Variants in CREB5 observed in about 807,000 individuals in gnomAD.
The protein encoded by CREB5 is cAMP responsive element binding protein 5.
In CREB5, 19 loss-of-function variants were observed where a neutral mutation model predicts 57.1. That is an observed-to-expected ratio of 0.33 (90% CI 0.23 to 0.49). The LOEUF is 0.49. CREB5 is among the 20% of genes least tolerant of loss of function. The pLI, the probability that CREB5 is intolerant of heterozygous loss-of-function variation, is 0.99. For missense variants in CREB5, 579 were observed against 671.6 expected, an observed-to-expected ratio of 0.86 and a Z score of 1.52; for synonymous variants, 238 against 238.3, an observed-to-expected ratio of 1.00 and a Z score of 0.01.
chr7:28,504,691 T>C (rs1792407904), intron 3 of CREB5, among the ~76,000 whole-genome samples: 1 of 152,154 alleles, frequency 6.6e-6, no homozygotes, highest in Non-Finnish European at 1.5e-5. Flanking sequence ...CACCCGTGTG[T>C]TACCCTCTCC....
rs545550205 is a variant in CREB5 at position 28,781,801 on chromosome 7, A to G, written c.703-22398A>G. Among the ~76,000 whole-genome samples, 4 of 152,156 alleles carry G rather than the reference A, an allele frequency of 2.6e-5. No individual in the cohort carries two copies. In the South Asian group the frequency reaches 8.3e-4, roughly 32 times the overall value. ...TTTTTTTTTTCTGGAAACAGTATAC[A>G]TAGTACTTAGACTGTGCTGGGGCAG... On this transcript the variant is annotated intron_variant, in intron 7 of 10. Coordinates refer to ENST00000357727, the MANE Select transcript of CREB5 (RefSeq NM_182898.4).
chr7:28,502,980 T>G (rs1792328183), intron 3 of CREB5, among the ~76,000 whole-genome samples: 1 of 152,238 alleles, frequency 6.6e-6, no homozygotes, highest in Non-Finnish European at 1.5e-5. Context: ...GATTTCAGAA[T>G]TTAGCATTTT....
chr7:28,505,439 T>C (rs1792443361), intron 3 of CREB5, among the ~76,000 whole-genome samples: 1 of 152,220 alleles, frequency 6.6e-6, no homozygotes. Flanking sequence ...GCTAACCCAT[T>C]ATGGTGGTGA....
intron 7 of CREB5, among the ~76,000 whole-genome samples, chr7:28,749,841 A>G (rs1471725030): frequency 6.6e-6 from 1 of 152,224 alleles, no homozygotes; most frequent in African/African-American, 2.4e-5. Context: ...ATGCAAGATA[A>G]ATAGTTTTAC....
intron 5 of CREB5, among the ~76,000 whole-genome samples, chr7:28,608,113 TCACACA>T (rs61349634): frequency 0.047 from 6,671 of 142,876 alleles, 207 homozygotes; most frequent in Middle Eastern, 0.08. Context: ...TCTCTCTCTC[TCACACA>T]CACTCACACA....
chr7:28,682,947 G>A (rs1481138265), intron 5 of CREB5, among the ~76,000 whole-genome samples: 3 of 152,126 alleles, frequency 2.0e-5, no homozygotes, highest in African/African-American at 7.2e-5. Flanking sequence ...TTTCATCAGG[G>A]GCTGGGAGTG....
chr7:28,689,262 A>G (rs956343586), intron 5 of CREB5, among the ~76,000 whole-genome samples: 3 of 152,010 alleles, frequency 2.0e-5, no homozygotes, highest in Non-Finnish European at 2.9e-5. Flanking sequence ...GGGTCAGGAG[A>G]TCGAGACCAT....
intron 7 of CREB5, among the ~76,000 whole-genome samples, chr7:28,793,525 G>T (rs550227653): frequency 1.3e-5 from 2 of 152,320 alleles, no homozygotes; most frequent in Non-Finnish European, 2.9e-5. Context: ...TTGGGAGAAG[G>T]TTCCATCTCC....
At chr7:28,785,916 T>C (rs1421750368) in intron 7 of CREB5, among the ~76,000 whole-genome samples, 1 of 152,074 alleles carries the variant, frequency 6.6e-6, no homozygotes, top group Non-Finnish European at 1.5e-5. Flanking sequence ...GTTTAAAGGG[T>C]CATATGGAAA....
At chr7:28,777,293 A>ATATC (rs1371928000) in intron 7 of CREB5, among the ~76,000 whole-genome samples, 5 of 152,216 alleles carry the variant, frequency 3.3e-5, no homozygotes. Context: ...TCCGGTGCTT[A>ATATC]TATCTAACAA....
intron 1 of CREB5, among the ~76,000 whole-genome samples, chr7:28,343,835 C>T (rs1203766254): frequency 2.0e-5 from 3 of 152,222 alleles, no homozygotes; most frequent in African/African-American, 4.8e-5. Flanking sequence ...CACAAGGATT[C>T]TCTTTTCTCC....
At chr7:28,378,904 C>T (rs528771329) in intron 1 of CREB5, among the ~76,000 whole-genome samples, 1 of 152,196 alleles carries the variant, frequency 6.6e-6, no homozygotes, top group African/African-American at 2.4e-5. Context: ...GGCATTCCCC[C>T]AATCTTCCTG....
intron 1 of CREB5, among the ~76,000 whole-genome samples, chr7:28,394,448 C>G (rs1304988941): frequency 6.6e-6 from 1 of 152,022 alleles, no homozygotes; most frequent in Non-Finnish European, 1.5e-5. Context: ...TACAAGAACC[C>G]ACTTTATATA....
chr7:28,737,566 TATATATATATA>T (rs1562606617), intron 7 of CREB5, among the ~76,000 whole-genome samples: 42 of 95,286 alleles, frequency 4.4e-4, no homozygotes, highest in Middle Eastern at 4.9e-3. Flanking sequence ...TATATATATA[TATATATATATA>T]TATATATATA....
intron 5 of CREB5, among the ~76,000 whole-genome samples, chr7:28,697,786 G>A (rs1266451204): frequency 6.6e-6 from 1 of 152,156 alleles, no homozygotes; most frequent in African/African-American, 2.4e-5. Flanking sequence ...TTCAGGGAAG[G>A]AATGAGTTAG....
At chr7:28,609,596 G>C (rs1414285421) in intron 5 of CREB5, among the ~76,000 whole-genome samples, 1 of 152,118 alleles carries the variant, frequency 6.6e-6, no homozygotes, top group Non-Finnish European at 1.5e-5. Flanking sequence ...TTCTTTTTCT[G>C]TCTTCCTGCA....
chr7:28,566,390 CTTTG>C (rs1795478808), intron 4 of CREB5, among the ~76,000 whole-genome samples: 3 of 152,212 alleles, frequency 2.0e-5, no homozygotes, highest in African/African-American at 7.2e-5. Context: ...CCAAAAGCAG[CTTTG>C]AGGAACACCT....
intron 5 of CREB5, among the ~76,000 whole-genome samples, chr7:28,573,803 C>T (rs1161449939): frequency 6.6e-6 from 1 of 152,128 alleles, no homozygotes; most frequent in Non-Finnish European, 1.5e-5. Flanking sequence ...GCTTTTTGAA[C>T]AGGCACTGAG....
intron 9 of CREB5, among the ~76,000 whole-genome samples, chr7:28,816,055 G>GCGCA (rs1554303451): frequency 6.2e-5 from 9 of 145,258 alleles, no homozygotes; most frequent in South Asian, 2.2e-4. Flanking sequence ...AAATATATAC[G>GCGCA]CACACACACA....
Sources: gnomAD v4.1 joint callset for allele counts (sites outside exome capture counted in the v4.1 genomes callset) on GRCh38, gnomAD v4.1.1 for gene constraint, MANE v1.5 for transcripts, NCBI Gene and HGNC (gene_info 2026-07-23, HGNC 2026-07-21) for gene names.